CLPB: variants seen among roughly 807,000 people sequenced by gnomAD.
CLPB encodes the protein ClpB family mitochondrial disaggregase.
A neutral mutation model predicts 78.4 loss-of-function variants in CLPB; 40 were observed. That is an observed-to-expected ratio of 0.51 (90% CI 0.40 to 0.66). The LOEUF is 0.66. Among genes scored for constraint, CLPB ranks in the 30% least tolerant of loss-of-function variants. The pLI, the probability that CLPB is intolerant of heterozygous loss-of-function variation, is 0.00. For missense variants in CLPB, 780 were observed against 886.9 expected (o/e 0.88, Z 1.53); for synonymous variants, 333 against 348.0 (o/e 0.96, Z 0.48).
chr11:72,354,298 T>TAG (rs1950666906), intron 5 of CLPB: 1 of 394,776 alleles, frequency 2.5e-6, no homozygotes, highest in Non-Finnish European at 4.4e-6. Context: ...TATATATATA[T>TAG]AGCTAGTACC....
At chr11:72,328,069 T>A (rs1950161136) in intron 6 of CLPB, among the ~76,000 whole-genome samples, 1 of 152,208 alleles carries the variant, frequency 6.6e-6, no homozygotes, top group Non-Finnish European at 1.5e-5. Flanking sequence ...TTGGCCCCCC[T>A]TATGATTGGT....
intron 3 of CLPB, among the ~76,000 whole-genome samples, chr11:72,389,131 A>G (rs1855172366): frequency 6.6e-6 from 1 of 152,242 alleles, no homozygotes; most frequent in South Asian, 2.1e-4. Context: ...AGCATCCAGG[A>G]GCAGCAGTAA....
chr11:72,303,344 A>T (rs1949693210), intron 9 of CLPB, among the ~76,000 whole-genome samples: 1 of 152,216 alleles, frequency 6.6e-6, no homozygotes, highest in South Asian at 2.1e-4. Flanking sequence ...CCAGGGCTAT[A>T]TTCTAGCTTG....
intron 2 of CLPB, among the ~76,000 whole-genome samples, chr11:72,428,188 T>C (rs1856442510): frequency 1.3e-5 from 2 of 152,156 alleles, no homozygotes; most frequent in Admixed American, 6.5e-5. Context: ...AAGAGCTGCT[T>C]TGGGTGAGGG....
rs2135474521 is a variant in CLPB at position 72,286,291 on chromosome 11, C to CA, written c.*7075dup. 1 of 142,368 alleles carries CA rather than the reference C, an allele frequency of 7.0e-6. No homozygotes were observed. The highest frequency in any genetic ancestry group is 2.1e-4 in the East Asian group (1 of 4,860). The allele number at this position is 142,368 out of a possible 1,614,324, so 8.8% of individuals were successfully genotyped here. ...TGCCACCCAGCCTGGAGTGCAGTGGCATGATCATAGCTCACTGTAACCTCA... is the reference window on the plus strand; with the variant it reads ...TGCCACCCAGCCTGGAGTGCAGTGGCAATGATCATAGCTCACTGTAACCTCA... On this transcript the variant is annotated 3_prime_UTR_variant, in exon 16 of 16. Transcript: ENST00000538039.
At chr11:72,397,826 C>G (rs1375413825) in intron 3 of CLPB, among the ~76,000 whole-genome samples, 1 of 152,124 alleles carries the variant, frequency 6.6e-6, no homozygotes, top group Non-Finnish European at 1.5e-5. Context: ...AATTTTTCTT[C>G]TAAACCACTA....
rs373236099 is a variant in CLPB at position 72,418,639 on chromosome 11, G to A, written c.455+11673C>T. Among the ~76,000 whole-genome samples the A allele has an allele frequency of 3.3e-5, 5 of 151,936 alleles. No individual in the cohort carries two copies. In the East Asian group the frequency reaches 5.8e-4, roughly 18 times the overall value. ...TGGGAGGCTGAGGCGGGAGGATCAC[G>A]AGGTCAGGAGTTCAAGACCAGCCTG... On this transcript the variant is annotated intron_variant, in intron 2 of 15. Transcript: ENST00000538039.
chr11:72,384,336 C>G (rs987398917), intron 3 of CLPB, among the ~76,000 whole-genome samples: 2 of 151,916 alleles, frequency 1.3e-5, no homozygotes, highest in African/African-American at 4.8e-5. Flanking sequence ...ATATATAATA[C>G]AAAAATATGT....
In CLPB at chr11:72,430,340, G is replaced by A. The variant is rs777497295; in HGVS notation, c.427C>T (p.Arg143Cys). The change falls in exon 2 of 16, where the codon CGT becomes TGT. Residue 143 changes from arginine (R) to cysteine (C), a missense_variant. Transcript: ENST00000538039. ...CTGACTTCTTGCATATTGTTGGCACGGGCAGCTTCCAACAGGGCTGCATCT... is the reference window on the plus strand; with the variant it reads ...CTGACTTCTTGCATATTGTTGGCACAGGCAGCTTCCAACAGGGCTGCATCT... ...NKDAALLEAA[R>C]ANNMQEVSRL... 6.8e-6 allele frequency: 11 copies of A among 1,613,100 alleles called. No individual in the cohort carries two copies. The highest frequency in any genetic ancestry group is 4.5e-5 in the East Asian group (2 of 44,876).
chr11:72,315,225 G>T (rs1285923948), intron 7 of CLPB, among the ~76,000 whole-genome samples: 1 of 152,158 alleles, frequency 6.6e-6, no homozygotes, highest in Non-Finnish European at 1.5e-5. Flanking sequence ...TCAGAACACA[G>T]GAGATGAGCA....
At chr11:72,377,954 C>T (rs1357471520) in intron 4 of CLPB, among the ~76,000 whole-genome samples, 1 of 152,194 alleles carries the variant, frequency 6.6e-6, no homozygotes, top group African/African-American at 2.4e-5. Context: ...GCCCACAAAG[C>T]TTAAATGTTT....
At chr11:72,347,663 C>T (rs561680645) in intron 5 of CLPB, among the ~76,000 whole-genome samples, 6 of 152,116 alleles carry the variant, frequency 3.9e-5, no homozygotes, top group South Asian at 2.1e-4. Flanking sequence ...AAAATATCTC[C>T]GAGAGTGTGA....
intron 7 of CLPB, among the ~76,000 whole-genome samples, chr11:72,314,847 T>C (rs1212838257): frequency 6.6e-6 from 1 of 152,018 alleles, no homozygotes; most frequent in Non-Finnish European, 1.5e-5. Flanking sequence ...GGCAGGCCAT[T>C]GTGGCTGGTG....
At chr11:72,392,437 A>G (rs1449062115) in intron 3 of CLPB, among the ~76,000 whole-genome samples, 3 of 152,148 alleles carry the variant, frequency 2.0e-5, no homozygotes, top group Non-Finnish European at 4.4e-5. Context: ...TGTTAAATCT[A>G]CAAGTCCTGT....
chr11:72,287,370 G>C lies in CLPB; in HGVS notation c.*5997C>G, dbSNP rs1162664414. On this transcript the variant is annotated 3_prime_UTR_variant, in exon 16 of 16. Transcript: ENST00000538039. ...CTGTCACCCAGGCTGGAGTGCAGCA[G>C]CACAGTCTTGGCTCACTGCAACCTC... is the stretch of plus-strand genomic sequence containing the variant. 1 of 152,202 alleles carries C rather than the reference G, an allele frequency of 6.6e-6. No homozygotes were observed. The highest frequency in any genetic ancestry group is 1.5e-5 in the Non-Finnish European group (1 of 68,032). The allele number at this position is 152,202 out of a possible 1,614,324, so 9.4% of individuals were successfully genotyped here.
At chr11:72,399,596 C>A (rs987484329) in intron 3 of CLPB, among the ~76,000 whole-genome samples, 1 of 152,176 alleles carries the variant, frequency 6.6e-6, no homozygotes, top group African/African-American at 2.4e-5. Flanking sequence ...TCCTTAAGGA[C>A]AGAGACTATT....
chr11:72,415,230 G>C (rs1005381591), intron 2 of CLPB, among the ~76,000 whole-genome samples: 3 of 152,054 alleles, frequency 2.0e-5, no homozygotes, highest in African/African-American at 7.2e-5. Flanking sequence ...AAAAGAAAAA[G>C]AAAGATTACA....
intron 5 of CLPB, among the ~76,000 whole-genome samples, chr11:72,353,480 G>A (rs1042519153): frequency 6.6e-6 from 1 of 152,166 alleles, no homozygotes; most frequent in African/African-American, 2.4e-5. Context: ...GTCGGGGAAG[G>A]GGATCAGCAA....
At chr11:72,377,359 A>G (rs1854739765) in intron 4 of CLPB, among the ~76,000 whole-genome samples, 1 of 152,198 alleles carries the variant, frequency 6.6e-6, no homozygotes, top group Admixed American at 6.5e-5. Context: ...AGTGCTTAAA[A>G]CACTGCCTGG....
Sources: allele counts gnomAD v4.1 joint callset (sites outside exome capture counted in the v4.1 genomes callset), GRCh38; gene constraint gnomAD v4.1.1; transcripts MANE v1.5; gene names NCBI Gene and HGNC (gene_info 2026-07-23, HGNC 2026-07-21).